TACC1: variants seen among roughly 807,000 people sequenced by gnomAD.
TACC1 encodes the protein transforming acidic coiled-coil-containing protein 1.
TACC1 carries 48 observed loss-of-function variants against 84.4 expected under a neutral mutation model. The ratio of observed to expected loss-of-function variants is 0.57; its 90% CI spans 0.45 to 0.72. The LOEUF (loss-of-function observed/expected upper bound fraction) is 0.72. Among genes scored for constraint, TACC1 ranks in the 30% least tolerant of loss-of-function variants. TACC1 has a pLI of 0.00. For missense variants in TACC1, 920 were observed against 973.0 expected (o/e 0.95, Z 0.72); for synonymous variants, 372 against 376.3 (o/e 0.99, Z 0.13).
chr8:38,831,523 T>C (rs987924083), intron 6 of TACC1, among the ~76,000 whole-genome samples: 1 of 152,186 alleles, frequency 6.6e-6, no homozygotes, highest in African/African-American at 2.4e-5. Context: ...TTTGAGACAG[T>C]CTCACTCTGT....
chr8:38,738,849 A>G (rs1293345130), intron 1 of TACC1, among the ~76,000 whole-genome samples: 2 of 152,120 alleles, frequency 1.3e-5, no homozygotes, highest in African/African-American at 2.4e-5. Flanking sequence ...CATTGGTTCT[A>G]GGCCCTCTCA....
chr8:38,735,627 T>C (rs542722019), intron 1 of TACC1, among the ~76,000 whole-genome samples: 10 of 152,298 alleles, frequency 6.6e-5, no homozygotes, highest in African/African-American at 1.9e-4. Flanking sequence ...CTCTCTCCCC[T>C]GACCCTTCAG....
At position 38,791,873 on chromosome 8, in the gene TACC1, G is replaced by T. The variant is rs149804547; in HGVS notation, c.277+3054G>T. Among the ~76,000 whole-genome samples the T allele has an allele frequency of 3.0e-3, 451 of 152,276 alleles. 1 individual carries two copies. Among genetic ancestry groups the T allele is most frequent in the African/African-American group, 0.011 (437 of 41,556 alleles). On this transcript the variant is annotated intron_variant, in intron 2 of 12. Transcript: ENST00000317827. ...TACATTTACCATACCCATGGCTCCTGTGCTGACTTCTGTATAGTTCTTTGA... is the reference window on the plus strand; with the variant it reads ...TACATTTACCATACCCATGGCTCCTTTGCTGACTTCTGTATAGTTCTTTGA...
chr8:38,828,325 G>A lies in TACC1; in HGVS notation c.1660+950G>A, dbSNP rs1828554192. Among the ~76,000 whole-genome samples the A allele has an allele frequency of 2.6e-5, 4 of 152,062 alleles. No individual in the cohort carries two copies. The South Asian group carries it at 8.3e-4, about 32-fold the overall frequency. On this transcript the variant is annotated intron_variant, in intron 5 of 12. Transcript: ENST00000317827. ...CTTGGCTAGGGTAGGACAGAAAAGT[G>A]GTATCTTTTTCCTCACCACAAGGTT...
upstream of TACC1, chr8:38,787,151 C>G: frequency 2.0e-6 from 2 of 984,276 alleles, no homozygotes; most frequent in Non-Finnish European, 2.4e-6. Flanking sequence ...CCCGCGCGCG[C>G]GCGCGAGTAG....
intron 1 of TACC1, among the ~76,000 whole-genome samples, chr8:38,731,343 C>T (rs1243606633): frequency 2.6e-5 from 4 of 152,176 alleles, no homozygotes; most frequent in Non-Finnish European, 1.5e-5. Flanking sequence ...GGGCAAATTA[C>T]ACAAACCTGT....
intron 3 of TACC1, among the ~76,000 whole-genome samples, chr8:38,758,725 T>A (rs1305536570): frequency 1.4e-5 from 2 of 142,160 alleles, no homozygotes; most frequent in Non-Finnish European, 1.5e-5. Flanking sequence ...ACTGAGCACA[T>A]GACATGTGCA....
At chr8:38,729,106 G>C (rs756127361) in intron 1 of TACC1, among the ~76,000 whole-genome samples, 9 of 152,118 alleles carry the variant, frequency 5.9e-5, no homozygotes, top group African/African-American at 2.2e-4. Flanking sequence ...GTGAGAAGGG[G>C]ACAGGGCTGG....
intron 2 of TACC1, among the ~76,000 whole-genome samples, chr8:38,800,715 A>G (rs1250468739): frequency 6.6e-6 from 1 of 152,220 alleles, no homozygotes; most frequent in Non-Finnish European, 1.5e-5. Context: ...TAATGCTGCT[A>G]TGAACATTCA....
intron 1 of TACC1, among the ~76,000 whole-genome samples, chr8:38,734,437 C>T (rs936666646): frequency 9.9e-5 from 15 of 152,106 alleles, no homozygotes; most frequent in African/African-American, 3.6e-4. Flanking sequence ...CTCAGGTGAT[C>T]CGCCCTCGTT....
chr8:38,823,921 C>T (rs1827444518), intron 3 of TACC1: 2 of 1,133,372 alleles, frequency 1.8e-6, no homozygotes, highest in African/African-American at 3.2e-5. Context: ...TTGAATATTC[C>T]AGTCTTTACA....
intron 10 of TACC1, among the ~76,000 whole-genome samples, chr8:38,842,683 T>C (rs1042595667): frequency 6.6e-6 from 1 of 152,256 alleles, no homozygotes; most frequent in Non-Finnish European, 1.5e-5. Context: ...TCCTCTCCTG[T>C]GTCAAGCCAA....
intron 2 of TACC1, among the ~76,000 whole-genome samples, chr8:38,807,357 C>T (rs1823010254): frequency 6.6e-6 from 1 of 152,150 alleles, no homozygotes; most frequent in Non-Finnish European, 1.5e-5. Context: ...AGAGAGCCAG[C>T]GTGTGTATGT....
chr8:38,801,266 T>G (rs1821294334), intron 2 of TACC1, among the ~76,000 whole-genome samples: 1 of 152,236 alleles, frequency 6.6e-6, no homozygotes, highest in South Asian at 2.1e-4. Context: ...CTCTTATGCC[T>G]TGATGTCATG....
In TACC1 at chr8:38,849,827, A is replaced by G. The variant is rs1832856113; in HGVS notation, c.*1804A>G. ...AATCATTTGAGCTTTGAAAGCAGTCACTGTGGTGTAATATGAATGCTGTCC... is the reference window on the plus strand; with the variant it reads ...AATCATTTGAGCTTTGAAAGCAGTCGCTGTGGTGTAATATGAATGCTGTCC... On this transcript the variant is annotated 3_prime_UTR_variant, in exon 13 of 13. Coordinates refer to ENST00000317827, the MANE Select transcript of TACC1 (RefSeq NM_006283.3). 6.6e-6 allele frequency: 1 copy of G among 152,652 alleles called. No individual in the cohort carries two copies. The highest frequency in any genetic ancestry group is 6.5e-5 in the Admixed American group (1 of 15,286). The allele number at this position is 152,652 out of a possible 1,614,324, so 9.5% of individuals were successfully genotyped here. A position where few individuals can be genotyped will look rare whatever the true frequency, so the allele number is the denominator to read the frequency against.
rs1273568867 is a variant in TACC1 at position 38,827,253 on chromosome 8, C to T, written c.1538C>T (p.Ser513Leu). 6.2e-7 allele frequency: 1 copy of T among 1,614,182 alleles called. No individual in the cohort carries two copies. Among genetic ancestry groups the T allele is most frequent in the Admixed American group, 1.7e-5 (1 of 60,018 alleles). ...GATGAGGAGAAACTGGCATCCACGT[C>T]ATGTGGTCAGAAATCAGCTGGTGCC... ...ATDEEKLASTSCGQKSAGAEV... is the reference protein window; with the variant it reads ...ATDEEKLASTLCGQKSAGAEV... Residue 513 changes from serine to leucine, a missense_variant, in exon 5 of 13, where the codon TCA becomes TTA. Physicochemically the swap from Ser to Leu is moderately radical, Grantham distance 145. Transcript: ENST00000317827.
intron 2 of TACC1, among the ~76,000 whole-genome samples, chr8:38,816,564 C>T (rs1265747348): frequency 1.3e-5 from 2 of 151,880 alleles, no homozygotes; most frequent in Non-Finnish European, 2.9e-5. Flanking sequence ...CATAACTCCT[C>T]TTCTCAGTTT....
chr8:38,792,744 C>T (rs1337495438), intron 2 of TACC1, among the ~76,000 whole-genome samples: 3 of 152,150 alleles, frequency 2.0e-5, no homozygotes, highest in Non-Finnish European at 4.4e-5. Flanking sequence ...GGATTACAGG[C>T]GTGAGCCACC....
At chr8:38,763,713 T>C (rs1039186648) in intron 3 of TACC1, among the ~76,000 whole-genome samples, 2 of 152,254 alleles carry the variant, frequency 1.3e-5, no homozygotes, top group Non-Finnish European at 2.9e-5. Flanking sequence ...CATGTTTTAC[T>C]TAACATTATA....
Sources: gnomAD v4.1 joint callset for allele counts (sites outside exome capture counted in the v4.1 genomes callset) on GRCh38, gnomAD v4.1.1 for gene constraint, MANE v1.5 for transcripts, NCBI Gene and HGNC (gene_info 2026-07-23, HGNC 2026-07-21) for gene names.